Variants in HTR1F observed in about 807,000 individuals in gnomAD.
HTR1F encodes the protein 5-hydroxytryptamine receptor 1F.
In HTR1F, 17 loss-of-function variants were observed where a neutral mutation model predicts 24.0. The ratio of observed to expected loss-of-function variants is 0.71; its 90% CI spans 0.48 to 1.06. The LOEUF (loss-of-function observed/expected upper bound fraction) is 1.06. Among genes scored for constraint, HTR1F ranks in the 50% least tolerant of loss-of-function variants. The probability of loss-of-function intolerance (pLI) is 0.00; values close to 1 mark genes in which losing one functional copy is unlikely to be tolerated. For missense variants in HTR1F, 391 were observed against 427.8 expected (o/e 0.91, Z 0.76); for synonymous variants, 186 against 156.8 (o/e 1.19, Z -1.39).
At chr3:87,946,903 G>A (rs1408243553) in intron 2 of HTR1F, among the ~76,000 whole-genome samples, 1 of 152,086 alleles carries the variant, frequency 6.6e-6, no homozygotes, top group Non-Finnish European at 1.5e-5. Context: ...GGGATTACAG[G>A]CATGAGCCAC....
At chr3:87,897,387 C>CA (rs955436291) in intron 2 of HTR1F, among the ~76,000 whole-genome samples, 3 of 150,482 alleles carry the variant, frequency 2.0e-5, no homozygotes, top group African/African-American at 4.9e-5. Flanking sequence ...ATGTGAAATC[C>CA]AAAAAAAAGG....
At chr3:87,965,841 G>C (rs532113497) in intron 2 of HTR1F, among the ~76,000 whole-genome samples, 1 of 152,278 alleles carries the variant, frequency 6.6e-6, no homozygotes, top group African/African-American at 2.4e-5. Context: ...ATTGACTAAG[G>C]CTGTTTATAC....
In HTR1F at chr3:87,900,929, T is replaced by C. The variant is rs1377992988; in HGVS notation, c.-43+78805T>C. Among the ~76,000 whole-genome samples the C allele has an allele frequency of 3.9e-5, 6 of 152,038 alleles. No individual in the cohort carries two copies. In the East Asian group the frequency reaches 7.7e-4, roughly 20 times the overall value. On this transcript the variant is annotated intron_variant, in intron 2 of 2. Transcript: ENST00000319595. The stretch of plus-strand genomic sequence containing the variant: ...TGTTTATATGTATAGGATCCCAGAA[T>C]AGATAAGTTTGGAAGTCATGAGGAT...
At chr3:87,882,367 A>G (rs1464722946) in intron 2 of HTR1F, among the ~76,000 whole-genome samples, 2 of 152,208 alleles carry the variant, frequency 1.3e-5, no homozygotes, top group Non-Finnish European at 2.9e-5. Flanking sequence ...GTATATACCC[A>G]AAGGACTATA....
chr3:87,915,035 G>A (rs1375501358), intron 2 of HTR1F, among the ~76,000 whole-genome samples: 2 of 152,172 alleles, frequency 1.3e-5, no homozygotes, highest in South Asian at 2.1e-4. Flanking sequence ...CTGTGCAGAC[G>A]ACCAACCCCC....
chr3:87,874,722 T>C (rs1456946234), intron 2 of HTR1F, among the ~76,000 whole-genome samples: 1 of 151,254 alleles, frequency 6.6e-6, no homozygotes. Context: ...AAGCTAGAAA[T>C]CTTACAGTTC....
chr3:87,839,800 T>C (rs1704761979), intron 2 of HTR1F, among the ~76,000 whole-genome samples: 1 of 152,228 alleles, frequency 6.6e-6, no homozygotes, highest in African/African-American at 2.4e-5. Context: ...TTGTTCCTAT[T>C]TTTATGACCA....
chr3:87,937,178 AG>A (rs1170519577), intron 2 of HTR1F, among the ~76,000 whole-genome samples: 1 of 152,094 alleles, frequency 6.6e-6, no homozygotes, highest in Non-Finnish European at 1.5e-5. Context: ...ACCAACAAAA[AG>A]AGAAAACTTC....
chr3:87,919,534 A>AT (rs1703966072), intron 2 of HTR1F, among the ~76,000 whole-genome samples: 1 of 151,872 alleles, frequency 6.6e-6, no homozygotes, highest in African/African-American at 2.4e-5. Context: ...CAAGAAAAAA[A>AT]AATTCCATCA....
intron 2 of HTR1F, among the ~76,000 whole-genome samples, chr3:87,936,192 T>A (rs1209893381): frequency 6.6e-6 from 1 of 152,174 alleles, no homozygotes; most frequent in Non-Finnish European, 1.5e-5. Flanking sequence ...CTTCAGTCTA[T>A]CACACACTCC....
chr3:87,955,520 T>C (rs1704924905), intron 2 of HTR1F, among the ~76,000 whole-genome samples: 1 of 151,530 alleles, frequency 6.6e-6, no homozygotes, highest in Non-Finnish European at 1.5e-5. Flanking sequence ...GGATATTTTA[T>C]GGACATATGC....
chr3:87,801,804 T>G (rs1703993763), intron 1 of HTR1F, among the ~76,000 whole-genome samples: 1 of 152,172 alleles, frequency 6.6e-6, no homozygotes, highest in South Asian at 2.1e-4. Context: ...CCTTTCGTAT[T>G]GGAGATAGAT....
At chr3:87,984,654 G>T (rs1393267429) in intron 2 of HTR1F, among the ~76,000 whole-genome samples, 1 of 151,864 alleles carries the variant, frequency 6.6e-6, no homozygotes, top group Non-Finnish European at 1.5e-5. Flanking sequence ...AAGAGACGGG[G>T]TTTCACCATG....
At chr3:87,934,403 C>T (rs1027145721) in intron 2 of HTR1F, among the ~76,000 whole-genome samples, 1 of 152,106 alleles carries the variant, frequency 6.6e-6, no homozygotes, top group Non-Finnish European at 1.5e-5. Context: ...GGAGGACTGC[C>T]CTTGACCACC....
intron 2 of HTR1F, among the ~76,000 whole-genome samples, chr3:87,927,984 T>C (rs1171983070): frequency 3.3e-5 from 5 of 152,068 alleles, no homozygotes; most frequent in African/African-American, 1.2e-4. Context: ...TAACAAATGA[T>C]TTCATAAATC....
intron 2 of HTR1F, among the ~76,000 whole-genome samples, chr3:87,963,033 G>A (rs1705094179): frequency 6.6e-6 from 1 of 151,550 alleles, no homozygotes; most frequent in Non-Finnish European, 1.5e-5. Flanking sequence ...TCAGTAATTT[G>A]CTAAGATTAA....
At chr3:87,804,206 A>G (rs1704038127) in intron 1 of HTR1F, among the ~76,000 whole-genome samples, 1 of 152,194 alleles carries the variant, frequency 6.6e-6, no homozygotes, top group Admixed American at 6.5e-5. Flanking sequence ...CTGACATACA[A>G]AAATGTGATT....
intron 2 of HTR1F, among the ~76,000 whole-genome samples, chr3:87,975,237 A>C (rs1705368552): frequency 6.6e-6 from 1 of 152,142 alleles, no homozygotes. Flanking sequence ...AAAATCTTGG[A>C]GAAAATGAAT....
intron 2 of HTR1F, among the ~76,000 whole-genome samples, chr3:87,952,574 A>C (rs1576082408): frequency 6.6e-6 from 1 of 152,140 alleles, no homozygotes; most frequent in Non-Finnish European, 1.5e-5. Context: ...ATCAGCCCTA[A>C]GGGCAATAAA....
Sources: allele counts gnomAD v4.1 joint callset (sites outside exome capture counted in the v4.1 genomes callset), GRCh38; gene constraint gnomAD v4.1.1; transcripts MANE v1.5; gene names NCBI Gene and HGNC (gene_info 2026-07-23, HGNC 2026-07-21).